The following ITGA9 variants were observed in gnomAD, a reference collection of about 807,000 sequenced individuals.
The protein encoded by ITGA9 is integrin alpha-9.
Under a neutral mutation model 127.8 loss-of-function variants are expected in ITGA9, and 56 were observed. The ratio of observed to expected loss-of-function variants is 0.44; its 90% confidence interval spans 0.35 to 0.55. The LOEUF (loss-of-function observed/expected upper bound fraction) is 0.55. ITGA9 is among the 20% of genes least tolerant of loss of function. The probability of loss-of-function intolerance (pLI) is 0.00; values close to 1 mark genes in which losing one functional copy is unlikely to be tolerated. For missense variants in ITGA9, 1,196 were observed against 1,347.1 expected (o/e 0.89, Z 1.76); for synonymous variants, 508 against 514.5 (o/e 0.99, Z 0.17).
chr3:37,629,915 G>A lies in ITGA9; in HGVS notation c.1839+579G>A, dbSNP rs1210929059. On this transcript the variant is annotated intron_variant, in intron 16 of 27. Transcript: ENST00000264741. This position sits in a 1 kb window ranked among gnomAD's most constrained non-coding sequence, Gnocchi z 4.5. ...TAGGAGTGAGCCTGTGCCTGATTTTGTGCAGCAGCGCTGGCCAGCTCTGAG... is the reference window on the plus strand; with the variant it reads ...TAGGAGTGAGCCTGTGCCTGATTTTATGCAGCAGCGCTGGCCAGCTCTGAG... Among the ~76,000 whole-genome samples, 1 of 152,196 alleles carries A rather than the reference G, an allele frequency of 6.6e-6. No individual in the cohort carries two copies. The highest frequency in any genetic ancestry group is 1.5e-5 in the Non-Finnish European group (1 of 68,034).
intron 18 of ITGA9, among the ~76,000 whole-genome samples, chr3:37,715,442 C>A (rs1360542161): frequency 6.6e-6 from 1 of 152,200 alleles, no homozygotes. Context: ...CCAGTTCCAT[C>A]CCCTAGGAAT....
Position 37,745,150 on chromosome 3 carries a change from A to G in ITGA9, c.2433+1116A>G, listed in dbSNP as rs116527660. Among the ~76,000 whole-genome samples, 838 of 152,328 alleles carry G rather than the reference A, an allele frequency of 5.5e-3. 5 individuals carry two copies. Among genetic ancestry groups the G allele is most frequent in the Middle Eastern group, 0.027 (8 of 294 alleles). On this transcript the variant is annotated intron_variant, in intron 22 of 27. Coordinates refer to ENST00000264741, the MANE Select transcript of ITGA9 (RefSeq NM_002207.3). The stretch of plus-strand genomic sequence containing the variant: ...CCTAGGTGGACTTAGGGGATGACAA[A>G]TAATGACAGGGTGAGGGTCTAGAGA...
At chr3:37,584,402 A>G (rs1699737071) in intron 15 of ITGA9, among the ~76,000 whole-genome samples, 1 of 152,102 alleles carries the variant, frequency 6.6e-6, no homozygotes, top group Non-Finnish European at 1.5e-5. Context: ...GTAGAAATAG[A>G]TCAGCCTCTA....
At chr3:37,472,206 C>T (rs371875277) in intron 2 of ITGA9, among the ~76,000 whole-genome samples, 2 of 152,192 alleles carry the variant, frequency 1.3e-5, no homozygotes, top group South Asian at 4.1e-4. Context: ...CCCTCACCTT[C>T]AAGATCAAGA....
At chr3:37,571,151 T>C (rs1226588016) in intron 15 of ITGA9, among the ~76,000 whole-genome samples, 1 of 152,200 alleles carries the variant, frequency 6.6e-6, no homozygotes, top group Non-Finnish European at 1.5e-5. Context: ...CAATACTGCC[T>C]ACCCAGAGTT....
chr3:37,478,168 A>G (rs1286956491), intron 3 of ITGA9, among the ~76,000 whole-genome samples: 5 of 152,068 alleles, frequency 3.3e-5, no homozygotes, highest in African/African-American at 1.2e-4. Flanking sequence ...GGGGAGTCTC[A>G]TGGCATCTCA....
chr3:37,500,308 G>C (rs1022504954), intron 5 of ITGA9, among the ~76,000 whole-genome samples: 2 of 152,230 alleles, frequency 1.3e-5, no homozygotes, highest in Non-Finnish European at 2.9e-5. Flanking sequence ...TTATAAAACA[G>C]TGAGATACCC....
chr3:37,760,514 A>G (rs1388857947), intron 23 of ITGA9, among the ~76,000 whole-genome samples: 1 of 152,214 alleles, frequency 6.6e-6, no homozygotes, highest in Non-Finnish European at 1.5e-5. Flanking sequence ...TTGCAGAGAA[A>G]GACGATAGAG....
In ITGA9 at chr3:37,538,029, G is replaced by A. The variant is rs565498129; in HGVS notation, c.1529-4396G>A. 5.3e-5 allele frequency among the ~76,000 whole-genome samples: 8 copies of A among 152,310 alleles called. No homozygotes were observed. In the East Asian group the frequency reaches 1.2e-3, roughly 22 times the overall value. ...GTGCTTGTACCTACTCACTGGCCAGGCTGAAGCCTAAACTTGCTTGTCAAT... is the reference window on the plus strand; with the variant it reads ...GTGCTTGTACCTACTCACTGGCCAGACTGAAGCCTAAACTTGCTTGTCAAT... On this transcript the variant is annotated intron_variant, in intron 14 of 27. Coordinates refer to ENST00000264741, the MANE Select transcript of ITGA9 (RefSeq NM_002207.3).
intron 6 of ITGA9, among the ~76,000 whole-genome samples, chr3:37,504,806 A>G (rs1357863111): frequency 6.6e-6 from 1 of 152,218 alleles, no homozygotes; most frequent in Non-Finnish European, 1.5e-5. Context: ...GAAATCAGCC[A>G]CATGGTGAGG....
At chr3:37,569,454 A>G (rs535412409) in intron 15 of ITGA9, among the ~76,000 whole-genome samples, 5 of 152,320 alleles carry the variant, frequency 3.3e-5, no homozygotes, top group African/African-American at 7.2e-5. Flanking sequence ...GAAATAGCAC[A>G]TGCAAAGGTC....
intron 1 of ITGA9, among the ~76,000 whole-genome samples, chr3:37,469,916 C>T (rs1021819894): frequency 1.3e-5 from 2 of 152,140 alleles, no homozygotes; most frequent in Admixed American, 1.3e-4. Flanking sequence ...CTGCCTCAGC[C>T]TCTCAAGCAG....
intron 26 of ITGA9, among the ~76,000 whole-genome samples, chr3:37,788,839 A>G (rs1311577307): frequency 6.6e-6 from 1 of 151,984 alleles, no homozygotes; most frequent in Non-Finnish European, 1.5e-5. Flanking sequence ...TTCTATTTCC[A>G]TGTTAAATCC....
intron 5 of ITGA9, 129 bp from the exon 6 acceptor site, chr3:37,503,049 G>T: frequency 2.1e-6 from 2 of 947,926 alleles, no homozygotes; most frequent in Admixed American, 2.1e-5. Flanking sequence ...TGTTTTTGTT[G>T]CTTAGCTGGG....
intron 18 of ITGA9, among the ~76,000 whole-genome samples, chr3:37,710,820 C>T (rs1047663625): frequency 6.6e-6 from 1 of 152,240 alleles, no homozygotes; most frequent in African/African-American, 2.4e-5. Flanking sequence ...GGGCAAGGCT[C>T]TGGCCTCGCA....
At chr3:37,772,407 C>G (rs1311168646) in intron 23 of ITGA9, among the ~76,000 whole-genome samples, 1 of 143,028 alleles carries the variant, frequency 7.0e-6, no homozygotes, top group Admixed American at 7.0e-5. Flanking sequence ...GACTCCATCT[C>G]AAAAAAAAAA....
At chr3:37,608,972 C>T (rs1699993823) in intron 15 of ITGA9, among the ~76,000 whole-genome samples, 1 of 152,168 alleles carries the variant, frequency 6.6e-6, no homozygotes, top group South Asian at 2.1e-4. Flanking sequence ...CCCTCTGTGT[C>T]ATGCTGCAGT....
chr3:37,661,948 G>A (rs1040986776), intron 17 of ITGA9, among the ~76,000 whole-genome samples: 1 of 152,204 alleles, frequency 6.6e-6, no homozygotes, highest in Non-Finnish European at 1.5e-5. Flanking sequence ...AAGATCTGCA[G>A]GTGTCTGGAA....
Position 37,736,989 on chromosome 3 carries a change from G to A in ITGA9, c.2234+6G>A. On this transcript the variant is annotated splice_donor_region_variant and intron_variant, in intron 20 of 27. Transcript: ENST00000264741. ...TTCATTGTTACTGCTCAGAGGTAAGGGGGGGGTTTAAACACTTTTTTCAAA... is the reference window on the plus strand; with the variant it reads ...TTCATTGTTACTGCTCAGAGGTAAGAGGGGGGTTTAAACACTTTTTTCAAA... 1.3e-6 allele frequency: 2 copies of A among 1,593,132 alleles called. No homozygotes were observed. The highest frequency in any genetic ancestry group is 1.7e-6 in the Non-Finnish European group (2 of 1,161,232).
Sources: gnomAD v4.1 joint callset for allele counts (sites outside exome capture counted in the v4.1 genomes callset) on GRCh38, gnomAD v4.1.1 for gene constraint, Gnocchi (gnomAD v3.1) non-coding constraint, MANE v1.5 for transcripts, NCBI Gene and HGNC (gene_info 2026-07-23, HGNC 2026-07-21) for gene names.